Variants in CHRNA1 observed in about 807,000 individuals in gnomAD.
The protein encoded by CHRNA1 is acetylcholine receptor subunit alpha.
In CHRNA1, 35 loss-of-function variants were observed where a neutral mutation model predicts 47.1. The ratio of observed to expected loss-of-function variants is 0.74; its 90% CI spans 0.57 to 0.99. The LOEUF (loss-of-function observed/expected upper bound fraction) is 0.99, where lower values mean the gene tolerates loss of function less well. Ranked by LOEUF, CHRNA1 falls within the 50% of genes least tolerant of loss-of-function variation. The probability of loss-of-function intolerance (pLI) is 0.00; values close to 1 mark genes in which losing one functional copy is unlikely to be tolerated. For missense variants in CHRNA1, 506 were observed against 591.1 expected (o/e 0.86, Z 1.49); for synonymous variants, 229 against 223.6 (o/e 1.02, Z -0.22).
chr2:174,755,683 G>T (rs989225172), intron 4 of CHRNA1, among the ~76,000 whole-genome samples: 2 of 152,202 alleles, frequency 1.3e-5, no homozygotes, highest in African/African-American at 2.4e-5. Flanking sequence ...CTCCCAAAGT[G>T]CTGGGATTAC....
chr2:174,749,032 A>G (rs1683794976), intron 7 of CHRNA1, among the ~76,000 whole-genome samples: 1 of 152,166 alleles, frequency 6.6e-6, no homozygotes, highest in Non-Finnish European at 1.5e-5. Context: ...AACAGTGATG[A>G]TTCTGTAATG....
intron 1 of CHRNA1, among the ~76,000 whole-genome samples, chr2:174,763,103 G>T (rs756310598): frequency 6.6e-6 from 1 of 152,142 alleles, no homozygotes; most frequent in Non-Finnish European, 1.5e-5. Flanking sequence ...TGGACTGCCT[G>T]ATCTAGCTCT....
At position 174,757,689 on chromosome 2, in the gene CHRNA1, C is replaced by T. The variant is rs773207183; in HGVS notation, c.235-14G>A. 2 of 1,605,782 alleles carry T rather than the reference C, an allele frequency of 1.2e-6. No individual in the cohort carries two copies. Among genetic ancestry groups the T allele is most frequent in the Non-Finnish European group, 1.7e-6 (2 of 1,172,602 alleles). On this transcript the variant is annotated splice_polypyrimidine_tract_variant and intron_variant, in intron 3 of 8. Transcript: ENST00000348749. ...ATCCACCCATTGCTAGAAACAAAGACATACAGCTAATTAAAAAGCCAAAAA... is the reference window on the plus strand; with the variant it reads ...ATCCACCCATTGCTAGAAACAAAGATATACAGCTAATTAAAAAGCCAAAAA...
Position 174,748,712 on chromosome 2 carries a change from G to A in CHRNA1, c.1110C>T (p.Asp370=). The A allele has an allele frequency of 1.2e-6, 2 of 1,614,222 alleles. No homozygotes were observed. The highest frequency in any genetic ancestry group is 1.7e-6 in the Non-Finnish European group (2 of 1,180,036). The change falls in exon 8 of 9, where the codon GAC becomes GAT. Residue 370 remains aspartate, a synonymous_variant. Coordinates refer to ENST00000348749, the MANE Select transcript of CHRNA1 (RefSeq NM_000079.4). The part of the protein sequence containing the change: ...KIFTEDIDIS[D]ISGKPGPPPM... The stretch of plus-strand genomic sequence containing the variant: ...GTGGAGGCCCTGGCTTTCCAGAAAT[G>A]TCAGAGATATCAATGTCTTCTGTAA...
chr2:174,759,379 GA>G lies in CHRNA1; in HGVS notation c.190-5del, dbSNP rs34695580. 0.44 allele frequency: 708,672 copies of G among 1,610,488 alleles called. 164,172 individuals carry two copies. Among genetic ancestry groups the G allele is most frequent in the Non-Finnish European group, 0.48 (565,395 of 1,177,712 alleles). On this transcript the variant is annotated splice_region_variant and splice_polypyrimidine_tract_variant and intron_variant, in intron 2 of 8. Coordinates refer to ENST00000348749, the MANE Select transcript of CHRNA1 (RefSeq NM_000079.4). ...TCACGATCTGATTTACTTCATCCTG[GA>G]AAAAAAAATAAGGATCATTTTTATG...
chr2:174,757,930 G>T (rs1684015186), intron 3 of CHRNA1: 1 of 1,379,304 alleles, frequency 7.3e-7, no homozygotes, highest in African/African-American at 1.4e-5. Context: ...CCCGTGAGGG[G>T]AGGGTGATTA....
chr2:174,757,011 G>A (rs1371875239), intron 4 of CHRNA1, among the ~76,000 whole-genome samples: 2 of 152,202 alleles, frequency 1.3e-5, no homozygotes, highest in African/African-American at 4.8e-5. Context: ...GGGCCCAGTG[G>A]ATGGGCAGTG....
At position 174,759,868 on chromosome 2, in the gene CHRNA1, C is replaced by T. The variant is rs34729993; in HGVS notation, c.44-235G>A. The stretch of plus-strand genomic sequence containing the variant: ...AGTGGGGTGTGCCAGGTAATCACAA[C>T]GCTTGTACTTTGGACAGGTGACATT... On this transcript the variant is annotated intron_variant, in intron 1 of 8. Coordinates refer to ENST00000348749, the MANE Select transcript of CHRNA1 (RefSeq NM_000079.4). 0.036 allele frequency among the ~76,000 whole-genome samples: 5,485 copies of T among 151,386 alleles called. 261 individuals carry two copies. Among genetic ancestry groups the T allele is most frequent in the African/African-American group, 0.11 (4,542 of 41,112 alleles).
In CHRNA1 at chr2:174,748,849, AATT is replaced by A. The variant is rs150689366; in HGVS notation, c.1003-33_1003-31del. 6,500 of 1,612,100 alleles carry A rather than the reference AATT, an allele frequency of 4.0e-3. 226 individuals carry two copies. The African/African-American group carries it at 0.077, about 19-fold the overall frequency. On this transcript the variant is annotated intron_variant, in intron 7 of 8. Transcript: ENST00000348749. ...CATAAAAAAGAAATCCATGCATGAG[AATT>A]ATTGTCCAGGAGGCAAGCATAAAAC...
intron 6 of CHRNA1, among the ~76,000 whole-genome samples, chr2:174,750,713 C>A (rs997505792): frequency 6.6e-6 from 1 of 152,120 alleles, no homozygotes; most frequent in Non-Finnish European, 1.5e-5. Context: ...CATACCTTAA[C>A]TTTTCTGACA....
rs1683763338 is a variant in CHRNA1, at chr2:174,747,948, T to C, written c.*176A>G. Reference sequence around the variant, plus strand: ...ACAGCAGAACTAAAGGGAGAAGCAATATGAAAACACTTCAAGGCCATAAAC... The same window carrying C: ...ACAGCAGAACTAAAGGGAGAAGCAACATGAAAACACTTCAAGGCCATAAAC... On this transcript the variant is annotated 3_prime_UTR_variant, in exon 9 of 9. Coordinates refer to ENST00000348749, the MANE Select transcript of CHRNA1 (RefSeq NM_000079.4). The C allele has an allele frequency of 5.2e-6, 4 of 765,612 alleles. No individual in the cohort carries two copies. The Admixed American group carries it at 8.7e-5, about 17-fold the overall frequency. The allele number at this position is 765,612 out of a possible 1,614,324, so 47.4% of individuals were successfully genotyped here.
intron 7 of CHRNA1, among the ~76,000 whole-genome samples, chr2:174,749,443 A>C (rs904581228): frequency 2.6e-5 from 4 of 152,280 alleles, no homozygotes; most frequent in African/African-American, 9.6e-5. Flanking sequence ...ACATATTTGA[A>C]ATGTTAAATT....
chr2:174,755,712 C>T (rs1683969802), intron 4 of CHRNA1, among the ~76,000 whole-genome samples: 1 of 152,142 alleles, frequency 6.6e-6, no homozygotes, highest in Non-Finnish European at 1.5e-5. Context: ...GCATTGCGCC[C>T]AGTGAAACGT....
Position 174,747,755 on chromosome 2 carries a change from C to T in CHRNA1, c.*369G>A, listed in dbSNP as rs1465543760. 3 of 309,780 alleles carry T rather than the reference C, an allele frequency of 9.7e-6. No homozygotes were observed. Among genetic ancestry groups the T allele is most frequent in the African/African-American group, 6.5e-5 (3 of 46,090 alleles). The allele number at this position is 309,780 out of a possible 1,614,324, so 19.2% of individuals were successfully genotyped here. A position where few individuals can be genotyped will look rare whatever the true frequency, so the allele number is the denominator to read the frequency against. ...CTTCATTTAGAACATCAGCAACTCCCTAGTGGTCTCGTGGTTAGACAAAAT... is the reference window on the plus strand; with the variant it reads ...CTTCATTTAGAACATCAGCAACTCCTTAGTGGTCTCGTGGTTAGACAAAAT... On this transcript the variant is annotated 3_prime_UTR_variant, in exon 9 of 9. Coordinates refer to ENST00000348749, the MANE Select transcript of CHRNA1 (RefSeq NM_000079.4).
intron 4 of CHRNA1, among the ~76,000 whole-genome samples, chr2:174,754,655 A>G (rs1376962010): frequency 6.6e-6 from 1 of 152,168 alleles, no homozygotes; most frequent in Admixed American, 6.5e-5. Context: ...GAATCTGAGT[A>G]TCTGGGAAAG....
chr2:174,757,543 C>T (rs374129622), intron 4 of CHRNA1, 23 bp downstream of exon 4: 38 of 1,584,700 alleles, frequency 2.4e-5, no homozygotes, highest in African/African-American at 1.8e-4. Flanking sequence ...GAGCACCCTC[C>T]GCCACCCATG....
intron 6 of CHRNA1, 67 bp downstream of exon 6, chr2:174,753,436 G>T (rs1683897468): frequency 2.1e-6 from 3 of 1,426,360 alleles, no homozygotes; most frequent in African/African-American, 1.4e-5. Flanking sequence ...ATTATTTCTG[G>T]CTTCCCCAAA....
At position 174,748,593 on chromosome 2, in the gene CHRNA1, T is replaced by C. The variant is rs1415815370; in HGVS notation, c.1229A>G (p.Gln410Arg). 6.2e-7 allele frequency: 1 copy of C among 1,612,580 alleles called. No individual in the cohort carries two copies. Among genetic ancestry groups the C allele is most frequent in the East Asian group, 2.2e-5 (1 of 44,838 alleles). Residue 410 changes from glutamine (Q) to arginine (R), a missense_variant, in exon 8 of 9, where the codon CAG becomes CGG. Physicochemically the swap from Gln to Arg is conservative, Grantham distance 43. Transcript: ENST00000348749. ...KYIAETMKSD[Q>R]ESNNAAAEWK... ...CACGAAGCTTACATTGTTAGACTCC[T>C]GGTCTGACTTCATGGTCTCTGCGAT... is the stretch of plus-strand genomic sequence containing the variant.
Position 174,759,327 on chromosome 2 carries a change from T to C in CHRNA1, c.234+4A>G. On this transcript the variant is annotated splice_donor_region_variant and intron_variant, in intron 3 of 8. Transcript: ENST00000348749. The stretch of plus-strand genomic sequence containing the variant: ...ACACACATGCAATTATCTGGCTAAG[T>C]TACCTGTTTCAGACGCACATTGGTT... The C allele has an allele frequency of 6.2e-7, 1 of 1,614,080 alleles. No homozygotes were observed. Among genetic ancestry groups the C allele is most frequent in the Non-Finnish European group, 8.5e-7 (1 of 1,179,942 alleles).
Sources: allele counts gnomAD v4.1 joint callset (sites outside exome capture counted in the v4.1 genomes callset), GRCh38; gene constraint gnomAD v4.1.1; transcripts MANE v1.5; gene names NCBI Gene and HGNC (gene_info 2026-07-23, HGNC 2026-07-21).